SPTBN1: variants seen among roughly 807,000 people sequenced by gnomAD.
SPTBN1 encodes the protein spectrin beta, non-erythrocytic 1.
Under a neutral mutation model 266.4 loss-of-function variants are expected in SPTBN1, and 32 were observed. That is an observed-to-expected ratio of 0.12 (90% CI 0.09 to 0.16). The LOEUF (loss-of-function observed/expected upper bound fraction) is 0.16, where lower values mean the gene tolerates loss of function less well. Ranked by LOEUF, SPTBN1 falls within the 10% of genes least tolerant of loss-of-function variation. The pLI is 1.00. For synonymous variants in SPTBN1, 1,336 were observed against 1,162.2 expected (o/e 1.15, Z -3.04); for missense variants, 2,296 against 3,067.1 (o/e 0.75, Z 5.94).
rs199983189 is a variant in SPTBN1 at position 54,629,592 on chromosome 2, G to T, written c.2458G>T (p.Val820Leu). The T allele has an allele frequency of 3.7e-6, 6 of 1,614,070 alleles. No individual in the cohort carries two copies. The highest frequency in any genetic ancestry group is 1.7e-5 in the Admixed American group (1 of 60,030). The change falls in exon 14 of 36, where the codon GTG becomes TTG. Residue 820 changes from valine (V) to leucine (L), a missense_variant. Around this residue, in one of 12 missense-constraint regions of SPTBN1, gnomAD observed 434 missense variants for 573.9 expected, o/e 0.76. Coordinates refer to ENST00000356805, the MANE Select transcript of SPTBN1 (RefSeq NM_003128.3). Reference sequence around the variant, plus strand: ...CCAGGAGCATGCCGAGTCTCCAGACGTGAGGGGCAGGCTGTCGGGCATCGA... The same window carrying T: ...CCAGGAGCATGCCGAGTCTCCAGACTTGAGGGGCAGGCTGTCGGGCATCGA... ...LPQEHAESPD[V>L]RGRLSGIEER...
intron 1 of SPTBN1, among the ~76,000 whole-genome samples, chr2:54,473,400 T>C (rs1333659420): frequency 4.6e-5 from 7 of 152,244 alleles, no homozygotes; most frequent in African/African-American, 1.7e-4. Flanking sequence ...GAATTCTATA[T>C]GGCATTGTTG....
chr2:54,566,811 T>C (rs1405971658), intron 2 of SPTBN1, among the ~76,000 whole-genome samples: 1 of 151,814 alleles, frequency 6.6e-6, no homozygotes, highest in Non-Finnish European at 1.5e-5. Context: ...AGCCTGGGCG[T>C]CAGAGTGAGA....
intron 1 of SPTBN1, among the ~76,000 whole-genome samples, chr2:54,456,828 G>A (rs1481593270): frequency 1.3e-5 from 2 of 151,288 alleles, no homozygotes; most frequent in Admixed American, 6.6e-5. Context: ...CCCCAGCCCC[G>A]GCGCGGCGCG....
In SPTBN1 at chr2:54,669,831, C is replaced by T. The variant is rs1334187726; in HGVS notation, c.*1262C>T. ...TCTGGTGCACAAGCTTTGAAAACTACAGCAAACAGTAATAAATGTGACTGT... is the reference window on the plus strand; with the variant it reads ...TCTGGTGCACAAGCTTTGAAAACTATAGCAAACAGTAATAAATGTGACTGT... On this transcript the variant is annotated 3_prime_UTR_variant, in exon 36 of 36. Coordinates refer to ENST00000356805, the MANE Select transcript of SPTBN1 (RefSeq NM_003128.3). The T allele has an allele frequency of 1.3e-5, 2 of 152,336 alleles. No homozygotes were observed. Among genetic ancestry groups the T allele is most frequent in the Admixed American group, 6.5e-5 (1 of 15,298 alleles). The allele number at this position is 152,336 out of a possible 1,614,324, so 9.4% of individuals were successfully genotyped here.
intron 1 of SPTBN1, among the ~76,000 whole-genome samples, chr2:54,490,105 G>A (rs1668607505): frequency 6.7e-6 from 1 of 149,360 alleles, no homozygotes; most frequent in Non-Finnish European, 1.5e-5. Context: ...TTGTGAGGCG[G>A]AGTTGCACTT....
chr2:54,546,958 T>TA (rs71975342), intron 2 of SPTBN1, among the ~76,000 whole-genome samples: 20,880 of 144,016 alleles, frequency 0.14, 1,534 homozygotes, highest in Middle Eastern at 0.25. Flanking sequence ...TTAATGGTGG[T>TA]AAAAAAAAAA....
chr2:54,629,964 G>C lies in SPTBN1; in HGVS notation c.2742G>C (p.Gln914His). The C allele has an allele frequency of 6.2e-7, 1 of 1,614,142 alleles. No individual in the cohort carries two copies. Among genetic ancestry groups the C allele is most frequent in the Non-Finnish European group, 8.5e-7 (1 of 1,180,038 alleles). The change falls in exon 15 of 36, where the codon CAG (glutamine) becomes CAC (histidine). Residue 914 changes from glutamine (Q) to histidine (H), a missense_variant. Around this residue, in one of 12 missense-constraint regions of SPTBN1, gnomAD observed 128 missense variants for 176.5 expected, o/e 0.73. Coordinates refer to ENST00000356805, the MANE Select transcript of SPTBN1 (RefSeq NM_003128.3). ...RVAVVNQIAR[Q>H]LMHSGHPSEK... is the part of the protein sequence containing the mutation. ...CAGTGGTGAACCAGATTGCACGCCA[G>C]CTGATGCACAGCGGCCACCCAAGTG... is the stretch of plus-strand genomic sequence containing the variant.
At chr2:54,509,727 C>A (rs1172733274) in intron 1 of SPTBN1, among the ~76,000 whole-genome samples, 1 of 152,096 alleles carries the variant, frequency 6.6e-6, no homozygotes, top group Admixed American at 6.5e-5. Context: ...GCTCAGGCTG[C>A]CATAACAGAA....
At chr2:54,636,232 C>T (rs1051076548) in intron 17 of SPTBN1, among the ~76,000 whole-genome samples, 46 of 152,026 alleles carry the variant, frequency 3.0e-4, no homozygotes, top group Admixed American at 2.7e-3. Context: ...ATATTAAGAT[C>T]CCTTTTCCTG....
chr2:54,617,130 G>A (rs75417296), intron 5 of SPTBN1, among the ~76,000 whole-genome samples: 5,914 of 152,270 alleles, frequency 0.039, 148 homozygotes, highest in Admixed American at 0.087. Context: ...TTTCAGGGAG[G>A]TACTACTTTT....
At chr2:54,634,790 T>G (rs894084162) in intron 17 of SPTBN1, among the ~76,000 whole-genome samples, 2 of 152,198 alleles carry the variant, frequency 1.3e-5, no homozygotes, top group Non-Finnish European at 2.9e-5. Flanking sequence ...CCTGAGTTGT[T>G]GAAAGAGTAC....
At chr2:54,638,288 A>G (rs1010389554) in intron 18 of SPTBN1, among the ~76,000 whole-genome samples, 1 of 152,240 alleles carries the variant, frequency 6.6e-6, no homozygotes, top group Admixed American at 6.5e-5. Context: ...ATTTAGTGTC[A>G]TGCTTTCACT....
intron 1 of SPTBN1, among the ~76,000 whole-genome samples, chr2:54,457,874 G>A (rs569950753): frequency 6.6e-6 from 1 of 152,340 alleles, no homozygotes; most frequent in South Asian, 2.1e-4. Context: ...GCGCTCTGCC[G>A]GAGGGGCGCC....
chr2:54,575,977 G>A (rs1241846978), intron 2 of SPTBN1, among the ~76,000 whole-genome samples: 2 of 150,222 alleles, frequency 1.3e-5, no homozygotes, highest in African/African-American at 2.5e-5. Flanking sequence ...TACAGTTTAG[G>A]TTATGGTAGC....
At chr2:54,594,704 A>G (rs1009572898) in intron 2 of SPTBN1, among the ~76,000 whole-genome samples, 4 of 152,110 alleles carry the variant, frequency 2.6e-5, no homozygotes, top group African/African-American at 7.2e-5. Context: ...ATTTCCTCAT[A>G]TTCTGGGATT....
intron 2 of SPTBN1, among the ~76,000 whole-genome samples, chr2:54,557,199 G>C (rs1251959583): frequency 1.3e-5 from 2 of 152,186 alleles, no homozygotes; most frequent in Middle Eastern, 6.3e-3. Flanking sequence ...TCTAAGCCTG[G>C]ACAGGATGCA....
At chr2:54,636,637 G>C (rs1679161986) in intron 17 of SPTBN1, among the ~76,000 whole-genome samples, 1 of 152,232 alleles carries the variant, frequency 6.6e-6, no homozygotes, top group South Asian at 2.1e-4. Flanking sequence ...GAGAATCCAA[G>C]GCTATGTGTT....
rs529535857 is a variant in SPTBN1 at position 54,634,459 on chromosome 2, A to G, written c.3767+1691A>G. Among the ~76,000 whole-genome samples, 12 of 152,340 alleles carry G rather than the reference A, an allele frequency of 7.9e-5. No individual in the cohort carries two copies. In the South Asian group the frequency reaches 2.3e-3, roughly 29 times the overall value. On this transcript the variant is annotated intron_variant, in intron 17 of 35. Coordinates refer to ENST00000356805, the MANE Select transcript of SPTBN1 (RefSeq NM_003128.3). ...TAACCCTGTACTATCAATAAGCATA[A>G]TAAAGATGGAAGGAGGGAGCTTTCC...
chr2:54,561,643 T>C (rs75160385), intron 2 of SPTBN1, among the ~76,000 whole-genome samples: 3,546 of 145,228 alleles, frequency 0.024, 138 homozygotes, highest in African/African-American at 0.092. Flanking sequence ...CTGGTCTATT[T>C]AGATAAAATG....
Sources: allele counts gnomAD v4.1 joint callset (sites outside exome capture counted in the v4.1 genomes callset), GRCh38; gene constraint gnomAD v4.1.1; regional missense constraint gnomAD v4.1.1; transcripts MANE v1.5; gene names NCBI Gene and HGNC (gene_info 2026-07-23, HGNC 2026-07-21).